The following COL6A1 variants were observed in gnomAD, a reference collection of about 807,000 sequenced individuals.
COL6A1 encodes the protein collagen type VI alpha 1 chain.
Under a neutral mutation model 145.6 loss-of-function variants are expected in COL6A1, and 80 were observed. The ratio of observed to expected loss-of-function variants is 0.55; its 90% CI spans 0.46 to 0.66. COL6A1 has a LOEUF of 0.66. Ranked by LOEUF, COL6A1 falls within the 30% of genes least tolerant of loss-of-function variation. The pLI is 0.00. For synonymous variants in COL6A1, 638 were observed against 622.8 expected, an observed-to-expected ratio of 1.02 and a Z score of -0.36; for missense variants, 1,364 against 1,473.8, an observed-to-expected ratio of 0.93 and a Z score of 1.22.
At chr21:45,996,482 G>A (rs1176399638) in intron 20 of COL6A1, among the ~76,000 whole-genome samples, 1 of 152,232 alleles carries the variant, frequency 6.6e-6, no homozygotes, top group African/African-American at 2.4e-5. Context: ...GATGGTGAAT[G>A]GGCCAAGTCT....
At position 45,987,024 on chromosome 21, in the gene COL6A1, CG is replaced by C. The variant is rs1569517898; in HGVS notation, c.670del (p.Ala224GlnfsTer15). On this transcript the variant is annotated frameshift_variant, in exon 5 of 35. Coordinates refer to ENST00000361866, the MANE Select transcript of COL6A1 (RefSeq NM_001848.3). LOFTEE classifies it high-confidence loss of function. ...CGGCTGACTGGGGCCAGAGCCGCGA[CG>C]CAGAGGAGGCCATCAGCCAGACCAT... ...TAADWGQSRD[A>X]EEAISQTIDT... 6.4e-7 allele frequency: 1 copy of C among 1,551,622 alleles called. No homozygotes were observed. The highest frequency in any genetic ancestry group is 2.0e-5 in the Admixed American group (1 of 51,182).
At chr21:45,996,695 G>A (rs1446004694) in intron 20 of COL6A1, among the ~76,000 whole-genome samples, 1 of 152,240 alleles carries the variant, frequency 6.6e-6, no homozygotes, top group Non-Finnish European at 1.5e-5. Context: ...GGCTCAGCTG[G>A]GCGCGCTGGG....
intron 31 of COL6A1, 28 bp from the exon 32 acceptor site, chr21:46,002,190 C>G (rs1603594258): frequency 1.9e-6 from 3 of 1,582,008 alleles, no homozygotes; most frequent in Non-Finnish European, 1.7e-6. Flanking sequence ...CTGGCCCCAA[C>G]CGGCCCTTCC....
At chr21:45,990,209 G>GC in intron 11 of COL6A1, 49 bp from the exon 12 acceptor site, 6 of 1,600,412 alleles carry the variant, frequency 3.7e-6, no homozygotes, top group Non-Finnish European at 5.1e-6. Context: ...GGCTTGCCCT[G>GC]CCCTCCCCAC....
Position 46,003,745 on chromosome 21 carries a change from T to C in COL6A1, c.2819T>C (p.Leu940Pro), listed in dbSNP as rs2077863772. 1 of 1,612,782 alleles carries C rather than the reference T, an allele frequency of 6.2e-7. No individual in the cohort carries two copies. Reference protein sequence around the residue: ...ASSGAAKKRLLLFSDGNSQGA... With the variant: ...ASSGAAKKRLPLFSDGNSQGA... ...TCCGGCGCTGCCAAGAAGAGGCTGC[T>C]GCTCTTCTCAGATGGCAACTCGCAG... Residue 940 changes from leucine (L) to proline (P), a missense_variant, in exon 35 of 35, where the codon CTG (leucine) becomes CCG (proline). Around this residue, in one of 3 missense-constraint regions of COL6A1, gnomAD observed 938 missense variants for 1,003.8 expected, o/e 0.93. Transcript: ENST00000361866.
rs774783524 is a variant in COL6A1 at position 45,998,993 on chromosome 21, G to C, written c.1674+34G>C. On this transcript the variant is annotated intron_variant, in intron 25 of 34. Coordinates refer to ENST00000361866, the MANE Select transcript of COL6A1 (RefSeq NM_001848.3). ...GGATGGGAGGCAGGGCCAGCCCCAA[G>C]TCCACCTGAGCCAGAGGGCTGGGCC... 7.1e-6 allele frequency: 11 copies of C among 1,550,336 alleles called. 1 individual carries two copies. In the South Asian group the frequency reaches 1.2e-4, roughly 17 times the overall value.
chr21:45,995,123 G>A (rs1329297017), intron 20 of COL6A1, among the ~76,000 whole-genome samples: 1 of 152,214 alleles, frequency 6.6e-6, no homozygotes, highest in African/African-American at 2.4e-5. Flanking sequence ...TGGTGCCAAC[G>A]GGTGTTACAC....
At chr21:45,989,880 C>G in intron 11 of COL6A1, 102 bp downstream of exon 11, 1 of 1,466,418 alleles carries the variant, frequency 6.8e-7, no homozygotes, top group Non-Finnish European at 9.5e-7. Flanking sequence ...GACAGGAGAC[C>G]ACGTGTCCTG....
In COL6A1 at chr21:45,989,128, C is replaced by T. The variant is rs1186770930; in HGVS notation, c.849C>T (p.Ala283=). 5.6e-6 allele frequency: 9 copies of T among 1,609,078 alleles called. No homozygotes were observed. Among genetic ancestry groups the T allele is most frequent in the African/African-American group, 2.7e-5 (2 of 74,816 alleles). ...GGCTCCCAGGAGAGAAGGGAGAAGCCGGAGATCCTGTGAGTGCCTGACTGT... is the reference window on the plus strand; with the variant it reads ...GGCTCCCAGGAGAGAAGGGAGAAGCTGGAGATCCTGTGAGTGCCTGACTGT... The part of the protein sequence containing the change: ...KPGLPGEKGE[A]GDPGRPGDLG... Residue 283 remains alanine, a synonymous_variant, in exon 9 of 35, where the codon GCC becomes GCT. Coordinates refer to ENST00000361866, the MANE Select transcript of COL6A1 (RefSeq NM_001848.3).
At chr21:45,999,543 C>A in intron 26 of COL6A1, 114 bp from the exon 27 acceptor site, 1 of 1,027,854 alleles carries the variant, frequency 9.7e-7, no homozygotes, top group Non-Finnish European at 1.4e-6. Flanking sequence ...AGGGAGGGAC[C>A]GGGCAGGGGT....
In COL6A1 at chr21:45,986,676, C is replaced by A. The variant is rs61751027; in HGVS notation, c.579C>A (p.Pro193=). The A allele has an allele frequency of 1.3e-6, 2 of 1,547,324 alleles. No homozygotes were observed. Among genetic ancestry groups the A allele is most frequent in the Non-Finnish European group, 8.7e-7 (1 of 1,146,888 alleles). The change falls in exon 4 of 35, where the codon CCC becomes CCA. Residue 193 remains proline (P), a synonymous_variant. Transcript: ENST00000361866. ...AAGTCTTCTCGGTGGCCATCACACC[C>A]GACCACCTGGTAGGCACCGGCCCCC... ...GVKVFSVAIT[P]DHLEPRLSII...
Position 46,004,176 on chromosome 21 carries a change from G to T in COL6A1, c.*163G>T. 1.0e-6 allele frequency: 1 copy of T among 992,248 alleles called. No homozygotes were observed. The highest frequency in any genetic ancestry group is 1.6e-5 in the South Asian group (1 of 63,224). The allele number at this position is 992,248 out of a possible 1,614,324, so 61.5% of individuals were successfully genotyped here. A position where few individuals can be genotyped will look rare whatever the true frequency, so the allele number is the denominator to read the frequency against. On this transcript the variant is annotated 3_prime_UTR_variant, in exon 35 of 35. Transcript: ENST00000361866. Reference sequence around the variant, plus strand: ...GACACAACGCTGCTGCCTGCTTTGTGCAGGGTCCTCCGGGGCTCAGCCCTG... The same window carrying T: ...GACACAACGCTGCTGCCTGCTTTGTTCAGGGTCCTCCGGGGCTCAGCCCTG...
rs771447857 is a variant in COL6A1, at chr21:45,989,566, T to C, written c.859-42T>C. The C allele has an allele frequency of 7.5e-6, 12 of 1,603,926 alleles. No individual in the cohort carries two copies. The African/African-American group carries it at 1.6e-4, about 21-fold the overall frequency. Reference sequence around the variant, plus strand: ...GCTGGGTGGGACTGGCCCCTGCCCCTGCTCCTCCGGGGGTGTCTCACCATC... The same window carrying C: ...GCTGGGTGGGACTGGCCCCTGCCCCCGCTCCTCCGGGGGTGTCTCACCATC... On this transcript the variant is annotated intron_variant, in intron 9 of 34. Coordinates refer to ENST00000361866, the MANE Select transcript of COL6A1 (RefSeq NM_001848.3).
intron 26 of COL6A1, 140 bp from the exon 27 acceptor site, chr21:45,999,517 G>A: frequency 2.1e-6 from 2 of 961,726 alleles, no homozygotes; most frequent in Non-Finnish European, 3.2e-6. Context: ...CGTCACTGGA[G>A]GACGAGGGGC....
intron 20 of COL6A1, 57 bp from the exon 21 acceptor site, chr21:45,997,364 G>A (rs1206172584): frequency 2.0e-6 from 3 of 1,532,928 alleles, no homozygotes; most frequent in African/African-American, 1.4e-5. Flanking sequence ...TAGGGTCAGG[G>A]AGGGCTCAGG....
intron 11 of COL6A1, among the ~76,000 whole-genome samples, chr21:45,990,025 CGG>C (rs2077765216): frequency 1.6e-4 from 2 of 12,444 alleles, no homozygotes; most frequent in East Asian, 3.7e-3. Flanking sequence ...TTACCCTCTG[CGG>C]AGCCGGGGGT....
In COL6A1 at chr21:46,004,593, C is replaced by T; in HGVS notation, c.*580C>T. ...CTCCTCAGCTTGGGGCAGCCATTGGCCTCTGTCTCGTTTTGGGAAACCAAG... is the reference window on the plus strand; with the variant it reads ...CTCCTCAGCTTGGGGCAGCCATTGGTCTCTGTCTCGTTTTGGGAAACCAAG... On this transcript the variant is annotated 3_prime_UTR_variant, in exon 35 of 35. Coordinates refer to ENST00000361866, the MANE Select transcript of COL6A1 (RefSeq NM_001848.3). The T allele has an allele frequency of 2.7e-6, 1 of 374,666 alleles. No homozygotes were observed. Among genetic ancestry groups the T allele is most frequent in the Non-Finnish European group, 5.5e-6 (1 of 181,706 alleles). 23.2% of individuals were successfully genotyped at this position (374,666 alleles called of 1,614,324 possible).
At chr21:45,988,415 ACG>A (rs1176414146) in intron 8 of COL6A1, among the ~76,000 whole-genome samples, 1 of 70,320 alleles carries the variant, frequency 1.4e-5, no homozygotes, top group African/African-American at 5.4e-5. Flanking sequence ...GATGGAGGGG[ACG>A]TCGGGGCTCC....
intron 21 of COL6A1, 27 bp from the exon 22 acceptor site, chr21:45,997,673 C>G (rs1432193029): frequency 2.5e-6 from 4 of 1,574,712 alleles, no homozygotes; most frequent in Non-Finnish European, 3.4e-6. Context: ...TAAGCCTGCT[C>G]CCCTCACGCC....
Sources: allele counts gnomAD v4.1 joint callset (sites outside exome capture counted in the v4.1 genomes callset), GRCh38; gene constraint gnomAD v4.1.1; regional missense constraint gnomAD v4.1.1; transcripts MANE v1.5; gene names NCBI Gene and HGNC (gene_info 2026-07-23, HGNC 2026-07-21).